GRIA4: variants seen among roughly 807,000 people sequenced by gnomAD.
GRIA4 encodes glutamate receptor 4.
GRIA4 carries 34 observed loss-of-function variants against 104.0 expected under a neutral mutation model. The observed-to-expected ratio is 0.33, with a 90% CI of 0.25 to 0.44. The LOEUF (loss-of-function observed/expected upper bound fraction) is 0.44, where lower values mean the gene tolerates loss of function less well. GRIA4 is among the 20% of genes least tolerant of loss of function. GRIA4 has a pLI of 1.00. For missense variants in GRIA4, 750 were observed against 1,096.5 expected (o/e 0.68, Z 4.46); for synonymous variants, 386 against 381.9 (o/e 1.01, Z -0.13).
At position 105,910,455 on chromosome 11, in the gene GRIA4, G is replaced by C; in HGVS notation, c.1179G>C (p.Met393Ile). 1.9e-6 allele frequency: 3 copies of C among 1,577,366 alleles called. No homozygotes were observed. The highest frequency in any genetic ancestry group is 2.6e-6 in the Non-Finnish European group (3 of 1,146,704). Residue 393 changes from methionine to isoleucine, a missense_variant, in exon 10 of 17, where the codon ATG becomes ATC. Physicochemically the swap from Met to Ile is conservative, Grantham distance 10. Transcript: ENST00000282499. Reference sequence around the variant, plus strand: ...GGCAGGTTGGTTACTGGAATGATATGGATAAGTTAGTCTTGATTCAAGATG... The same window carrying C: ...GGCAGGTTGGTTACTGGAATGATATCGATAAGTTAGTCTTGATTCAAGATG... ...GPRKVGYWND[M>I]DKLVLIQDVP...
At position 105,731,626 on chromosome 11, in the gene GRIA4, C is replaced by T. The variant is rs139759620; in HGVS notation, c.248-21355C>T. ...CAATAGCAAAGACTTGGAACAAACC[C>T]AAATGCTCATCATTGTTAGAATGGA... On this transcript the variant is annotated intron_variant, in intron 3 of 16. Transcript: ENST00000282499. Among the ~76,000 whole-genome samples the T allele has an allele frequency of 2.9e-3, 448 of 152,212 alleles. 6 individuals carry two copies. The highest frequency in any genetic ancestry group is 0.011 in the African/African-American group (440 of 41,532).
intron 3 of GRIA4, among the ~76,000 whole-genome samples, chr11:105,664,651 CT>C (rs1952112137): frequency 1.3e-5 from 2 of 151,866 alleles, no homozygotes; most frequent in African/African-American, 4.8e-5. Flanking sequence ...AATTACAAAT[CT>C]TATTTTTTTA....
chr11:105,620,748 T>C (rs1338937467), intron 3 of GRIA4, among the ~76,000 whole-genome samples: 2 of 151,934 alleles, frequency 1.3e-5, no homozygotes, highest in Non-Finnish European at 2.9e-5. Flanking sequence ...CTCTTTTAAC[T>C]GTTATGTAAA....
chr11:105,709,337 G>A (rs908397307), intron 3 of GRIA4, among the ~76,000 whole-genome samples: 2 of 152,036 alleles, frequency 1.3e-5, no homozygotes, highest in Non-Finnish European at 2.9e-5. Flanking sequence ...AACTTCCAAT[G>A]AATAATGTAG....
chr11:105,769,742 C>G (rs1938957), intron 4 of GRIA4, among the ~76,000 whole-genome samples: 94,849 of 151,796 alleles, frequency 0.62, 29,639 homozygotes, highest in Middle Eastern at 0.68. Flanking sequence ...GCAAGAAAAA[C>G]TAACCAGGAA....
At position 105,769,505 on chromosome 11, in the gene GRIA4, C is replaced by CT. The variant is rs1276560036; in HGVS notation, c.487+16288dup. On this transcript the variant is annotated intron_variant, in intron 4 of 16. Coordinates refer to ENST00000282499, the MANE Select transcript of GRIA4 (RefSeq NM_000829.4). ...AAGAGAGGGAGTGGAATGGAGGATA[C>CT]TTTGAGGGAGAATGGGGCTGACAAG... is the stretch of plus-strand genomic sequence containing the variant. Among the ~76,000 whole-genome samples the CT allele has an allele frequency of 2.0e-5, 3 of 151,970 alleles. No homozygotes were observed. In the East Asian group the frequency reaches 5.8e-4, roughly 29 times the overall value.
rs532816416 is a variant in GRIA4 at position 105,756,613 on chromosome 11, T to C, written c.487+3393T>C. Reference sequence around the variant, plus strand: ...ATATTTGACAGTACTAAACCCTGTTTTAATAACTCAGAAAAAAAAAAAACT... The same window carrying C: ...ATATTTGACAGTACTAAACCCTGTTCTAATAACTCAGAAAAAAAAAAAACT... On this transcript the variant is annotated intron_variant, in intron 4 of 16. Transcript: ENST00000282499. Among the ~76,000 whole-genome samples, 6 of 149,012 alleles carry C rather than the reference T, an allele frequency of 4.0e-5. No individual in the cohort carries two copies. In the East Asian group the frequency reaches 1.0e-3, roughly 25 times the overall value.
chr11:105,809,178 A>G (rs1385382139), intron 4 of GRIA4, among the ~76,000 whole-genome samples: 1 of 152,118 alleles, frequency 6.6e-6, no homozygotes, highest in Non-Finnish European at 1.5e-5. Flanking sequence ...AAAAATTTAA[A>G]GTTAACCTAT....
chr11:105,837,741 A>G (rs1160071111), intron 4 of GRIA4, among the ~76,000 whole-genome samples: 1 of 152,186 alleles, frequency 6.6e-6, no homozygotes, highest in Non-Finnish European at 1.5e-5. Context: ...TGAATTTTCC[A>G]TGATTTTAAA....
In GRIA4 at chr11:105,871,448, T is replaced by G. The variant is rs142295546; in HGVS notation, c.672+9240T>G. On this transcript the variant is annotated intron_variant, in intron 5 of 16. Coordinates refer to ENST00000282499, the MANE Select transcript of GRIA4 (RefSeq NM_000829.4). ...TAGTTTATTAGGGAGAGGTTTTTTT[T>G]TGTGTTTTATTTCTATAGTTAGACC... is the stretch of plus-strand genomic sequence containing the variant. Among the ~76,000 whole-genome samples the G allele has an allele frequency of 6.3e-4, 95 of 151,244 alleles. 1 individual carries two copies. Among genetic ancestry groups the G allele is most frequent in the East Asian group, 1.9e-3 (10 of 5,178 alleles).
chr11:105,678,923 G>C (rs113042713), intron 3 of GRIA4, among the ~76,000 whole-genome samples: 2 of 152,040 alleles, frequency 1.3e-5, no homozygotes, highest in Admixed American at 6.6e-5. Flanking sequence ...CCTGGAAAAG[G>C]TTCCAAAACT....
chr11:105,787,408 A>G (rs1942017260), intron 4 of GRIA4, among the ~76,000 whole-genome samples: 1 of 151,024 alleles, frequency 6.6e-6, no homozygotes, highest in Non-Finnish European at 1.5e-5. Flanking sequence ...AATCCAAGAC[A>G]GGGGAAACAT....
intron 4 of GRIA4, among the ~76,000 whole-genome samples, chr11:105,755,862 C>G (rs1039464134): frequency 2.0e-5 from 3 of 152,060 alleles, no homozygotes; most frequent in African/African-American, 7.2e-5. Flanking sequence ...TCTCAGGCCT[C>G]TGGACTCGGA....
intron 7 of GRIA4, among the ~76,000 whole-genome samples, chr11:105,898,843 A>C (rs1262881245): frequency 6.9e-6 from 1 of 145,858 alleles, no homozygotes; most frequent in Non-Finnish European, 1.5e-5. Flanking sequence ...AAGTTCTTTC[A>C]AATTAACGTG....
intron 4 of GRIA4, among the ~76,000 whole-genome samples, chr11:105,827,911 C>T (rs1943835668): frequency 6.6e-6 from 1 of 151,992 alleles, no homozygotes; most frequent in Non-Finnish European, 1.5e-5. Flanking sequence ...CTGCCAAACA[C>T]TTGACATGTT....
intron 3 of GRIA4, chr11:105,706,726 A>C (rs1478097133): frequency 2.0e-5 from 3 of 152,304 alleles, no homozygotes; most frequent in Non-Finnish European, 4.4e-5. Context: ...TGAACCTGTA[A>C]CACCCTCTGA....
chr11:105,902,868 AT>A (rs1195713361), intron 7 of GRIA4, among the ~76,000 whole-genome samples: 1 of 152,116 alleles, frequency 6.6e-6, no homozygotes, highest in East Asian at 1.9e-4. Context: ...GTACATACCC[AT>A]TTTTTGAATA....
chr11:105,846,884 G>T (rs1266103665), intron 4 of GRIA4, among the ~76,000 whole-genome samples: 1 of 152,200 alleles, frequency 6.6e-6, no homozygotes, highest in Non-Finnish European at 1.5e-5. Flanking sequence ...CTCAATAAAA[G>T]TTGAAAGAGT....
chr11:105,659,571 G>A (rs989240213), intron 3 of GRIA4, among the ~76,000 whole-genome samples: 1 of 151,756 alleles, frequency 6.6e-6, no homozygotes, highest in African/African-American at 2.4e-5. Flanking sequence ...ATTAACCCTA[G>A]AACAACATAC....
Sources: allele counts gnomAD v4.1 joint callset (sites outside exome capture counted in the v4.1 genomes callset), GRCh38; gene constraint gnomAD v4.1.1; transcripts MANE v1.5; gene names NCBI Gene and HGNC (gene_info 2026-07-23, HGNC 2026-07-21).